MOB3B: variants seen among roughly 807,000 people sequenced by gnomAD.
MOB3B encodes MOB kinase activator-like 2B.
In MOB3B, 7 loss-of-function variants were observed where a neutral mutation model predicts 18.7. The observed-to-expected ratio is 0.37, with a 90% CI of 0.21 to 0.70. MOB3B has a LOEUF of 0.70. Among genes scored for constraint, MOB3B ranks in the 30% least tolerant of loss-of-function variants. The probability of loss-of-function intolerance (pLI) is 0.52; values close to 1 mark genes in which losing one functional copy is unlikely to be tolerated. For missense variants in MOB3B, 253 were observed against 281.3 expected (o/e 0.90, Z 0.72); for synonymous variants, 111 against 99.9 (o/e 1.11, Z -0.66).
At chr9:27,442,577 G>T (rs796603463) in intron 2 of MOB3B, among the ~76,000 whole-genome samples, 4 of 152,302 alleles carry the variant, frequency 2.6e-5, no homozygotes, top group African/African-American at 9.6e-5. Flanking sequence ...CTCCCACCCT[G>T]CCCTTTCGGG....
chr9:27,507,805 A>C (rs1820081905), intron 1 of MOB3B, among the ~76,000 whole-genome samples: 1 of 152,226 alleles, frequency 6.6e-6, no homozygotes, highest in Non-Finnish European at 1.5e-5. Flanking sequence ...GACCATTTAC[A>C]AATAAAGTCA....
intron 2 of MOB3B, among the ~76,000 whole-genome samples, chr9:27,447,255 G>C (rs746655495): frequency 1.7e-4 from 26 of 152,172 alleles, no homozygotes; most frequent in Non-Finnish European, 3.5e-4. Context: ...TCTGGTGTCA[G>C]GGCCCTGCTG....
chr9:27,365,907 A>C (rs989302512), intron 2 of MOB3B, among the ~76,000 whole-genome samples: 10 of 152,226 alleles, frequency 6.6e-5, no homozygotes, highest in African/African-American at 2.2e-4. Context: ...CAAGTTTTGG[A>C]GTGCGCCGAG....
chr9:27,360,906 G>A (rs369493924), intron 2 of MOB3B, among the ~76,000 whole-genome samples: 4 of 152,148 alleles, frequency 2.6e-5, no homozygotes, highest in African/African-American at 9.7e-5. Context: ...GGGGTTGAGG[G>A]TGCGGTAGAG....
intron 2 of MOB3B, among the ~76,000 whole-genome samples, chr9:27,360,074 A>C (rs1185436180): frequency 6.6e-6 from 1 of 152,246 alleles, no homozygotes; most frequent in Non-Finnish European, 1.5e-5. Flanking sequence ...AAGAGCGGTC[A>C]TAATAAGGTC....
At chr9:27,349,471 G>A (rs1027830434) in intron 3 of MOB3B, among the ~76,000 whole-genome samples, 25 of 152,214 alleles carry the variant, frequency 1.6e-4, no homozygotes, top group African/African-American at 5.1e-4. Flanking sequence ...TTATCTGGCC[G>A]GGAAATTTAA....
At chr9:27,470,114 G>GAAAAAA (rs751414011) in intron 1 of MOB3B, among the ~76,000 whole-genome samples, 55,066 of 125,692 alleles carry the variant, frequency 0.44, 13,213 homozygotes, top group Middle Eastern at 0.6. Flanking sequence ...TCTCTTAAAA[G>GAAAAAA]AAAAAAAAAA....
At chr9:27,429,538 G>A (rs1279226948) in intron 2 of MOB3B, among the ~76,000 whole-genome samples, 1 of 152,122 alleles carries the variant, frequency 6.6e-6, no homozygotes, top group Non-Finnish European at 1.5e-5. Context: ...TTAAACAGAG[G>A]AAACAAACAG....
At chr9:27,372,762 C>T (rs1458545764) in intron 2 of MOB3B, among the ~76,000 whole-genome samples, 2 of 152,142 alleles carry the variant, frequency 1.3e-5, no homozygotes, top group African/African-American at 4.8e-5. Flanking sequence ...TCTGAAGAGC[C>T]TAAGGAGATG....
intron 1 of MOB3B, among the ~76,000 whole-genome samples, chr9:27,498,407 C>T (rs1055901346): frequency 3.9e-5 from 6 of 152,022 alleles, no homozygotes; most frequent in South Asian, 2.1e-4. Flanking sequence ...GTGGAATAAG[C>T]GTGTGATGTG....
intron 1 of MOB3B, among the ~76,000 whole-genome samples, chr9:27,486,644 TTA>T (rs1309256666): frequency 6.6e-6 from 1 of 152,160 alleles, no homozygotes; most frequent in African/African-American, 2.4e-5. Context: ...TTTTCCAGCT[TTA>T]TGTTAGTTAG....
intron 1 of MOB3B, among the ~76,000 whole-genome samples, chr9:27,503,664 T>C (rs1235018548): frequency 6.6e-6 from 1 of 152,226 alleles, no homozygotes; most frequent in Non-Finnish European, 1.5e-5. Context: ...CATAGAATAA[T>C]CAGGGTAGTG....
chr9:27,480,901 G>A (rs899924452), intron 1 of MOB3B, among the ~76,000 whole-genome samples: 4 of 152,080 alleles, frequency 2.6e-5, no homozygotes, highest in Admixed American at 6.5e-5. Context: ...ATCAATACAA[G>A]CACTGACTCT....
At position 27,387,413 on chromosome 9, in the gene MOB3B, G is replaced by T. The variant is rs546652664; in HGVS notation, c.419-28177C>A. Among the ~76,000 whole-genome samples the T allele has an allele frequency of 8.5e-5, 13 of 152,286 alleles. No homozygotes were observed. In the East Asian group the frequency reaches 2.5e-3, roughly 29 times the overall value. ...CTGAACCCAGCTTTGCTGTTTCCCTGTGTAAGCTTGGGTAGGTCACTGCAC... is the reference window on the plus strand; with the variant it reads ...CTGAACCCAGCTTTGCTGTTTCCCTTTGTAAGCTTGGGTAGGTCACTGCAC... On this transcript the variant is annotated intron_variant, in intron 2 of 3. Transcript: ENST00000262244.
chr9:27,511,188 C>T (rs931003268), intron 1 of MOB3B, among the ~76,000 whole-genome samples: 1 of 143,136 alleles, frequency 7.0e-6, no homozygotes, highest in Non-Finnish European at 1.5e-5. Context: ...GGTAGTGATG[C>T]TATTAGGTAA....
chr9:27,430,707 A>T (rs780587480), intron 2 of MOB3B, among the ~76,000 whole-genome samples: 10 of 152,200 alleles, frequency 6.6e-5, no homozygotes, highest in Non-Finnish European at 1.3e-4. Flanking sequence ...AAAATTCCTA[A>T]AACAGGTCAT....
rs746677952 is a variant in MOB3B, at chr9:27,455,151, T to A, written c.400A>T (p.Ile134Leu). ...WIEVQINNEEIFPTCVGVPFP... is the reference protein window; with the variant it reads ...WIEVQINNEELFPTCVGVPFP... Reference sequence around the variant, plus strand: ...AACTTACCCACGCATGTTGGAAATATTTCCTCGTTGTTGATCTGAACCTCA... The same window carrying A: ...AACTTACCCACGCATGTTGGAAATAATTCCTCGTTGTTGATCTGAACCTCA... Residue 134 changes from isoleucine (I) to leucine (L), a missense_variant, in exon 2 of 4, where the codon ATA becomes TTA. Transcript: ENST00000262244. 1 of 1,614,106 alleles carries A rather than the reference T, an allele frequency of 6.2e-7. No individual in the cohort carries two copies. The highest frequency in any genetic ancestry group is 1.7e-5 in the Admixed American group (1 of 60,014).
intron 2 of MOB3B, among the ~76,000 whole-genome samples, chr9:27,449,738 G>A (rs1005290986): frequency 3.3e-5 from 5 of 152,136 alleles, no homozygotes; most frequent in Admixed American, 1.3e-4. Flanking sequence ...CACTTTGGGA[G>A]GCCAAGGCAG....
chr9:27,346,450 A>G (rs896209865), intron 3 of MOB3B, among the ~76,000 whole-genome samples: 35 of 152,180 alleles, frequency 2.3e-4, no homozygotes, highest in Non-Finnish European at 1.2e-4. Context: ...TCCTTTTTAT[A>G]ATGAAGATAA....
Sources: gnomAD v4.1 joint callset for allele counts (sites outside exome capture counted in the v4.1 genomes callset) on GRCh38, gnomAD v4.1.1 for gene constraint, MANE v1.5 for transcripts, NCBI Gene and HGNC (gene_info 2026-07-23, HGNC 2026-07-21) for gene names.